DPY19L1: variants seen among roughly 807,000 people sequenced by gnomAD.
DPY19L1 encodes protein C-mannosyl-transferase DPY19L1.
In DPY19L1, 35 loss-of-function variants were observed where a neutral mutation model predicts 96.9. The ratio of observed to expected loss-of-function variants is 0.36; its 90% CI spans 0.28 to 0.48. The LOEUF is 0.48. Ranked by LOEUF, DPY19L1 falls within the 20% of genes least tolerant of loss-of-function variation. The pLI, the probability that DPY19L1 is intolerant of heterozygous loss-of-function variation, is 0.99. For synonymous variants in DPY19L1, 205 were observed against 252.6 expected, an observed-to-expected ratio of 0.81 and a Z score of 1.79; for missense variants, 521 against 777.9, an observed-to-expected ratio of 0.67 and a Z score of 3.93.
At chr7:34,964,976 C>T (rs562059334) in intron 10 of DPY19L1, among the ~76,000 whole-genome samples, 1 of 152,152 alleles carries the variant, frequency 6.6e-6, no homozygotes, top group East Asian at 1.9e-4. Flanking sequence ...TACAAGATAC[C>T]ATTTTACACG....
chr7:34,973,120 G>A (rs1784758339), intron 8 of DPY19L1, among the ~76,000 whole-genome samples: 1 of 152,152 alleles, frequency 6.6e-6, no homozygotes, highest in Non-Finnish European at 1.5e-5. Flanking sequence ...AGGGAGAGAA[G>A]TGTGAATTCT....
intron 6 of DPY19L1, among the ~76,000 whole-genome samples, chr7:35,007,588 GGTGTGT>G (rs71551083): frequency 1.0e-4 from 15 of 150,486 alleles, no homozygotes; most frequent in East Asian, 5.9e-4. Context: ...ACACACGTGT[GGTGTGT>G]GTGTGTGTGT....
At chr7:34,980,706 A>C (rs189789382) in intron 7 of DPY19L1, among the ~76,000 whole-genome samples, 1 of 152,320 alleles carries the variant, frequency 6.6e-6, no homozygotes, top group Admixed American at 6.5e-5. Context: ...ATCATTACTC[A>C]TCAGGAAAAT....
At chr7:34,945,294 AAGTG>A (rs1171838601) in intron 16 of DPY19L1, among the ~76,000 whole-genome samples, 1 of 152,162 alleles carries the variant, frequency 6.6e-6, no homozygotes, top group African/African-American at 2.4e-5. Flanking sequence ...TTTCTGTAAA[AAGTG>A]AGGTATGAAT....
At chr7:34,986,233 A>G (rs993025410) in intron 7 of DPY19L1, among the ~76,000 whole-genome samples, 1 of 151,986 alleles carries the variant, frequency 6.6e-6, no homozygotes, top group African/African-American at 2.4e-5. Context: ...TTAATGATCT[A>G]TTGTTCCACT....
intron 6 of DPY19L1, among the ~76,000 whole-genome samples, chr7:34,991,188 G>A (rs544254439): frequency 1.3e-5 from 2 of 152,352 alleles, no homozygotes; most frequent in East Asian, 3.9e-4. Context: ...TTTGAGGAAA[G>A]ACAGAAATGT....
At chr7:35,003,460 C>T (rs1785478896) in intron 6 of DPY19L1, among the ~76,000 whole-genome samples, 1 of 152,220 alleles carries the variant, frequency 6.6e-6, no homozygotes, top group Non-Finnish European at 1.5e-5. Context: ...ATCTTGGCTC[C>T]ACATACTTTA....
In DPY19L1 at chr7:34,987,474, A is replaced by G. The variant is rs192751036; in HGVS notation, c.822+2410T>C. On this transcript the variant is annotated intron_variant, in intron 7 of 21. Coordinates refer to ENST00000638088, the MANE Select transcript of DPY19L1 (RefSeq NM_001366673.1). ...AAATTTTCCCTTATAAAACCATATG[A>G]GGAAAAAGAAAATTTTAAAAAAGTA... Among the ~76,000 whole-genome samples, 554 of 152,214 alleles carry G rather than the reference A, an allele frequency of 3.6e-3. 4 individuals are homozygous for G. The highest frequency in any genetic ancestry group is 7.1e-3 in the Admixed American group (109 of 15,286).
Position 35,011,447 on chromosome 7 carries a change from T to A in DPY19L1, c.553A>T (p.Ile185Phe). The A allele has an allele frequency of 6.3e-7, 1 of 1,596,754 alleles. No individual in the cohort carries two copies. The highest frequency in any genetic ancestry group is 8.5e-7 in the Non-Finnish European group (1 of 1,175,382). ...LKRFNLYPEV[I>F]LASWYRIYTK... Reference sequence around the variant, plus strand: ...TAAATCCGGTACCAACTGGCCAAAATTACCTATTTTAAAAAATACAGAGGC... The same window carrying A: ...TAAATCCGGTACCAACTGGCCAAAAATACCTATTTTAAAAAATACAGAGGC... Residue 185 changes from isoleucine (I) to phenylalanine (F), a missense_variant, in exon 5 of 22, where the codon ATT becomes TTT. Ile to Phe is a conservative substitution (Grantham distance 21, BLOSUM62 0). Transcript: ENST00000638088.
intron 21 of DPY19L1, among the ~76,000 whole-genome samples, chr7:34,933,289 C>G (rs550052598): frequency 6.6e-6 from 1 of 152,338 alleles, no homozygotes; most frequent in Non-Finnish European, 1.5e-5. Flanking sequence ...TTATCCCTCA[C>G]CCCACTCCTC....
chr7:35,036,109 G>A (rs1013536705), intron 1 of DPY19L1, among the ~76,000 whole-genome samples: 2 of 152,154 alleles, frequency 1.3e-5, no homozygotes, highest in African/African-American at 4.8e-5. Flanking sequence ...TGTGATCTCA[G>A]GGGAAGCCAA....
intron 1 of DPY19L1, among the ~76,000 whole-genome samples, chr7:35,028,836 C>T (rs1196432308): frequency 1.3e-5 from 2 of 152,142 alleles, no homozygotes; most frequent in African/African-American, 2.4e-5. Context: ...CTGAGGGTTC[C>T]TCCCCTTTTT....
intron 11 of DPY19L1, among the ~76,000 whole-genome samples, chr7:34,956,089 T>C (rs1784372712): frequency 6.6e-6 from 1 of 152,210 alleles, no homozygotes; most frequent in South Asian, 2.1e-4. Context: ...GCTTAATTCG[T>C]ACCTAAGGCA....
intron 7 of DPY19L1, among the ~76,000 whole-genome samples, chr7:34,989,136 T>TG (rs1785110313): frequency 6.6e-6 from 1 of 152,162 alleles, no homozygotes; most frequent in Non-Finnish European, 1.5e-5. Context: ...AGAAAGCCCT[T>TG]GAACACTAAA....
intron 18 of DPY19L1, among the ~76,000 whole-genome samples, 189 bp downstream of exon 18, chr7:34,941,576 C>T (rs867202813): frequency 2.6e-5 from 4 of 152,314 alleles, no homozygotes; most frequent in Middle Eastern, 3.4e-3. Flanking sequence ...ACACCAACAA[C>T]TATTTTAAAT....
chr7:35,037,579 G>A (rs1418530302), upstream of DPY19L1: 4 of 289,640 alleles, frequency 1.4e-5, no homozygotes, highest in Non-Finnish European at 2.5e-5. Context: ...CTGCTGCCTG[G>A]CTGGCAGTAC....
intron 1 of DPY19L1, among the ~76,000 whole-genome samples, chr7:35,020,521 G>T (rs1173907144): frequency 1.3e-5 from 2 of 152,112 alleles, no homozygotes; most frequent in Non-Finnish European, 2.9e-5. Context: ...TTCTTATGAA[G>T]TTTCTCCTGG....
intron 6 of DPY19L1, among the ~76,000 whole-genome samples, chr7:34,999,695 A>C (rs865799773): frequency 1.1e-4 from 16 of 152,372 alleles, no homozygotes; most frequent in Middle Eastern, 3.4e-3. Context: ...GATTTTATAC[A>C]TTTGACAAAG....
At chr7:34,962,393 G>C (rs1042728604) in intron 10 of DPY19L1, among the ~76,000 whole-genome samples, 2 of 152,136 alleles carry the variant, frequency 1.3e-5, no homozygotes, top group Non-Finnish European at 2.9e-5. Flanking sequence ...CTATACAAAA[G>C]GCAAAACTAT....
Sources: allele counts gnomAD v4.1 joint callset (sites outside exome capture counted in the v4.1 genomes callset), GRCh38; gene constraint gnomAD v4.1.1; transcripts MANE v1.5; gene names NCBI Gene and HGNC (gene_info 2026-07-23, HGNC 2026-07-21).